The following RNF157 variants were observed in gnomAD, a reference collection of about 807,000 sequenced individuals.
RNF157 encodes the protein ring finger protein 157.
A neutral mutation model predicts 88.3 loss-of-function variants in RNF157; 55 were observed. The observed-to-expected ratio is 0.62, with a 90% CI of 0.50 to 0.78. The LOEUF (loss-of-function observed/expected upper bound fraction) is 0.78, where lower values mean the gene tolerates loss of function less well. Among genes scored for constraint, RNF157 ranks in the 30% least tolerant of loss-of-function variants. RNF157 has a pLI of 0.00. For missense variants in RNF157, 788 were observed against 860.8 expected (o/e 0.92, Z 1.06); for synonymous variants, 334 against 341.2 (o/e 0.98, Z 0.23).
In RNF157 at chr17:76,167,368, T is replaced by C. The variant is rs187112127; in HGVS notation, c.444-242A>G. ...AGCATGTTAAGGACCTGAAGGACTA[T>C]ACCACCATTTGTCACTATACCAAGA... On this transcript the variant is annotated intron_variant, in intron 4 of 18. Coordinates refer to ENST00000269391, the MANE Select transcript of RNF157 (RefSeq NM_052916.3). Among the ~76,000 whole-genome samples, 4 of 152,368 alleles carry C rather than the reference T, an allele frequency of 2.6e-5. No individual in the cohort carries two copies. The East Asian group carries it at 7.7e-4, about 29-fold the overall frequency.
intron 1 of RNF157, among the ~76,000 whole-genome samples, chr17:76,235,283 C>T (rs1330822852): frequency 5.9e-5 from 9 of 151,844 alleles, no homozygotes; most frequent in Admixed American, 1.3e-4. Context: ...CTGCAAGCTC[C>T]GCCTCCTGGG....
chr17:76,219,891 T>A (rs2069951533), intron 1 of RNF157, among the ~76,000 whole-genome samples: 1 of 152,162 alleles, frequency 6.6e-6, no homozygotes, highest in Admixed American at 6.6e-5. Context: ...AATTATGTGA[T>A]TTTCAATTTT....
chr17:76,161,623 C>A lies in RNF157; in HGVS notation c.977G>T (p.Arg326Leu). Residue 326 changes from arginine (R) to leucine (L), a missense_variant, in exon 11 of 19, where the codon CGA becomes CTA. Coordinates refer to ENST00000269391, the MANE Select transcript of RNF157 (RefSeq NM_052916.3). This position sits in a 1 kb window ranked among gnomAD's most constrained non-coding sequence, Gnocchi z 4.6. The part of the protein sequence containing the change: ...RLPFRALLQI[R>L]AMRKKLGPLS... ...GGGGCCCAATTTTTTCCTCATGGCTCGGATCTGAAGCAGTGCCCGGAAGGC... is the reference window on the plus strand; with the variant it reads ...GGGGCCCAATTTTTTCCTCATGGCTAGGATCTGAAGCAGTGCCCGGAAGGC... 6.2e-7 allele frequency: 1 copy of A among 1,614,016 alleles called. No homozygotes were observed. The highest frequency in any genetic ancestry group is 1.1e-5 in the South Asian group (1 of 91,074).
At chr17:76,209,069 T>C (rs2069731084) in intron 2 of RNF157, among the ~76,000 whole-genome samples, 1 of 122,720 alleles carries the variant, frequency 8.1e-6, no homozygotes, top group South Asian at 2.8e-4. Flanking sequence ...GTTGATGTTC[T>C]TTTTTTTTTT....
At chr17:76,182,918 A>G (rs1374949997) in intron 2 of RNF157, among the ~76,000 whole-genome samples, 1 of 150,486 alleles carries the variant, frequency 6.6e-6, no homozygotes, top group Admixed American at 6.6e-5. Context: ...ATTCTCAGGT[A>G]AAGAAAGTAT....
rs1043583264 is a variant in RNF157 at position 76,227,953 on chromosome 17, C to A, written c.88+12200G>T. On this transcript the variant is annotated intron_variant, in intron 1 of 18. Transcript: ENST00000269391. ...TTTATTCCAGAACCTGTGCTCTTAA[C>A]CATTATAATGTATTCCCATTGAATG... is the stretch of plus-strand genomic sequence containing the variant. Among the ~76,000 whole-genome samples the A allele has an allele frequency of 2.6e-5, 4 of 152,128 alleles. No individual in the cohort carries two copies. The East Asian group carries it at 5.8e-4, about 22-fold the overall frequency.
intron 18 of RNF157, among the ~76,000 whole-genome samples, chr17:76,149,381 G>A (rs1488186670): frequency 1.3e-5 from 2 of 151,986 alleles, no homozygotes; most frequent in Non-Finnish European, 2.9e-5. Context: ...GAGGGAAATA[G>A]ACTCAAGCAG....
rs377581288 is a variant in RNF157 at position 76,182,760 on chromosome 17, C to CATATATATATATATATATATATAT, written c.208-8994_208-8971dup. Among the ~76,000 whole-genome samples, 113 of 93,306 alleles carry CATATATATATATATATATATATAT rather than the reference C, an allele frequency of 1.2e-3. 1 individual carries two copies. Among genetic ancestry groups the CATATATATATATATATATATATAT allele is most frequent in the African/African-American group, 4.7e-3 (81 of 17,252 alleles). 61.2% of individuals were successfully genotyped at this position (93,306 alleles called of 152,430 possible). The stretch of plus-strand genomic sequence containing the variant: ...TTGCTATTAGATTCAGGCCTCGTCT[C>CATATATATATATATATATATATAT]ATATATATATATATATATATATATA... On this transcript the variant is annotated intron_variant, in intron 2 of 18. Coordinates refer to ENST00000269391, the MANE Select transcript of RNF157 (RefSeq NM_052916.3).
intron 2 of RNF157, among the ~76,000 whole-genome samples, chr17:76,186,287 C>T (rs2069285369): frequency 1.3e-5 from 2 of 151,924 alleles, no homozygotes; most frequent in African/African-American, 4.8e-5. Context: ...GGGTGGATCA[C>T]CTGAGGTCAG....
intron 2 of RNF157, chr17:76,202,844 T>C (rs776757804): frequency 2.0e-5 from 3 of 152,726 alleles, no homozygotes; most frequent in Non-Finnish European, 4.4e-5. Flanking sequence ...TTATTTGCAA[T>C]GCTGTTAATC....
intron 2 of RNF157, among the ~76,000 whole-genome samples, chr17:76,174,232 C>T (rs914967540): frequency 3.3e-5 from 5 of 152,078 alleles, no homozygotes; most frequent in South Asian, 2.1e-4. Flanking sequence ...GTTTAGGGAC[C>T]GCAAATAAAA....
chr17:76,173,905 T>C, intron 2 of RNF157, 115 bp from the exon 3 acceptor site: 1 of 808,160 alleles, frequency 1.2e-6, no homozygotes. Context: ...GGCACAACTC[T>C]CCTAATTAAG....
At chr17:76,155,493 T>C in intron 15 of RNF157, 69 bp downstream of exon 15, 1 of 1,567,716 alleles carries the variant, frequency 6.4e-7, no homozygotes, top group Non-Finnish European at 8.7e-7. Flanking sequence ...GGCAGACCTT[T>C]GGTTATGCTA....
chr17:76,214,744 C>T (rs1264313799), intron 1 of RNF157, among the ~76,000 whole-genome samples: 1 of 152,092 alleles, frequency 6.6e-6, no homozygotes, highest in African/African-American at 2.4e-5. Context: ...AGCCAGGAGG[C>T]AGAAATATTT....
chr17:76,179,408 G>T (rs755241895), intron 2 of RNF157, among the ~76,000 whole-genome samples: 1 of 151,870 alleles, frequency 6.6e-6, no homozygotes, highest in Non-Finnish European at 1.5e-5. Context: ...GAAAAAAAAA[G>T]AGGCCAAGCG....
chr17:76,202,959 T>C (rs922570024), intron 2 of RNF157, among the ~76,000 whole-genome samples: 3 of 152,376 alleles, frequency 2.0e-5, no homozygotes, highest in East Asian at 1.9e-4. Flanking sequence ...AATTAATTTA[T>C]AGAATTAATT....
At chr17:76,209,647 C>G (rs2069743054) in intron 2 of RNF157, among the ~76,000 whole-genome samples, 1 of 151,720 alleles carries the variant, frequency 6.6e-6, no homozygotes, top group South Asian at 2.1e-4. Context: ...CTGAAAAGGC[C>G]AAAATTTTTT....
At chr17:76,196,375 A>G (rs2069478173) in intron 2 of RNF157, among the ~76,000 whole-genome samples, 1 of 152,196 alleles carries the variant, frequency 6.6e-6, no homozygotes, top group South Asian at 2.1e-4. Context: ...ACAGGAAAGG[A>G]GCAGAAGGGG....
rs146162114 is a variant in RNF157, at chr17:76,227,222, G to A, written c.88+12931C>T. Among the ~76,000 whole-genome samples, 953 of 150,966 alleles carry A rather than the reference G, an allele frequency of 6.3e-3. 7 individuals carry two copies. Among genetic ancestry groups the A allele is most frequent in the African/African-American group, 0.022 (882 of 40,958 alleles). On this transcript the variant is annotated intron_variant, in intron 1 of 18. Coordinates refer to ENST00000269391, the MANE Select transcript of RNF157 (RefSeq NM_052916.3). ...TGCAACCTCTGCTTCCTGGGTTCAAGAGATTCTCCTGCCTCAGCCTCCCAA... is the reference window on the plus strand; with the variant it reads ...TGCAACCTCTGCTTCCTGGGTTCAAAAGATTCTCCTGCCTCAGCCTCCCAA...
Sources: allele counts gnomAD v4.1 joint callset (sites outside exome capture counted in the v4.1 genomes callset), GRCh38; gene constraint gnomAD v4.1.1; non-coding constraint Gnocchi (gnomAD v3.1); transcripts MANE v1.5; gene names NCBI Gene and HGNC (gene_info 2026-07-23, HGNC 2026-07-21).